Variants in CSMD1 observed in about 807,000 individuals in gnomAD.
CSMD1 encodes CUB and Sushi multiple domains 1.
CSMD1 carries 213 observed loss-of-function variants against 417.5 expected under a neutral mutation model. That is an observed-to-expected ratio of 0.51 (90% confidence interval 0.46 to 0.57). The LOEUF (loss-of-function observed/expected upper bound fraction) is 0.57, where lower values mean the gene tolerates loss of function less well. Ranked by LOEUF, CSMD1 falls within the 20% of genes least tolerant of loss-of-function variation. The probability of loss-of-function intolerance (pLI) is 0.00; values close to 1 mark genes in which losing one functional copy is unlikely to be tolerated. For synonymous variants in CSMD1, 2,862 were observed against 1,736.8 expected (o/e 1.65, Z -16.11); for missense variants, 6,923 against 4,529.7 (o/e 1.53, Z -15.17).
At chr8:4,889,630 G>C (rs992381729) in intron 1 of CSMD1, among the ~76,000 whole-genome samples, 1 of 152,070 alleles carries the variant, frequency 6.6e-6, no homozygotes, top group Non-Finnish European at 1.5e-5. Flanking sequence ...TAAGGTTACT[G>C]GTAGCCATAA....
rs558585283 is a variant in CSMD1 at position 4,988,628 on chromosome 8, T to C, written c.85+5704A>G. Among the ~76,000 whole-genome samples, 461 of 152,334 alleles carry C rather than the reference T, an allele frequency of 3.0e-3. 4 individuals carry two copies. Among genetic ancestry groups the C allele is most frequent in the African/African-American group, 0.01 (434 of 41,576 alleles). On this transcript the variant is annotated intron_variant, in intron 1 of 69. Transcript: ENST00000635120. ...TTGGTGGATGAGACAGGGTGCCTAA[T>C]GGATGACAAAATCTCTCATCTTCAT...
chr8:3,345,510 G>C (rs12548171), intron 22 of CSMD1, among the ~76,000 whole-genome samples: 3,659 of 152,262 alleles, frequency 0.024, 77 homozygotes, highest in East Asian at 0.083. Context: ...CCAGATAGGA[G>C]TGGAAGTCAG....
At chr8:3,248,448 G>C (rs764037843) in intron 26 of CSMD1, among the ~76,000 whole-genome samples, 1 of 150,496 alleles carries the variant, frequency 6.6e-6, no homozygotes, top group Non-Finnish European at 1.5e-5. Context: ...CTGGAAGTGT[G>C]AGACAGACAA....
chr8:4,507,105 C>T (rs992993834), intron 2 of CSMD1, among the ~76,000 whole-genome samples: 3 of 151,968 alleles, frequency 2.0e-5, no homozygotes, highest in Non-Finnish European at 4.4e-5. Flanking sequence ...GTTTATTATC[C>T]TACACTTTGA....
At chr8:3,219,976 T>C (rs1308629689) in intron 28 of CSMD1, among the ~76,000 whole-genome samples, 1 of 152,046 alleles carries the variant, frequency 6.6e-6, no homozygotes, top group Admixed American at 6.6e-5. Flanking sequence ...TGAGATCCTG[T>C]CTGTACAAAA....
At chr8:3,840,970 G>C (rs896831226) in intron 5 of CSMD1, among the ~76,000 whole-genome samples, 2 of 152,060 alleles carry the variant, frequency 1.3e-5, no homozygotes, top group African/African-American at 4.8e-5. Flanking sequence ...GCCTCCCAAA[G>C]TGCTCAGATT....
At chr8:4,398,665 G>T (rs555155138) in intron 3 of CSMD1, among the ~76,000 whole-genome samples, 2 of 151,982 alleles carry the variant, frequency 1.3e-5, no homozygotes, top group Non-Finnish European at 2.9e-5. Flanking sequence ...AAAGTGCTGG[G>T]ATTACAGGCA....
At position 3,656,553 on chromosome 8, in the gene CSMD1, A is replaced by T. The variant is rs533078069; in HGVS notation, c.1010-39756T>A. Among the ~76,000 whole-genome samples the T allele has an allele frequency of 2.0e-5, 3 of 152,318 alleles. No homozygotes were observed. The South Asian group carries it at 6.2e-4, about 32-fold the overall frequency. Reference sequence around the variant, plus strand: ...AAAATAATGGGTAGATGCTCAAATGAGAACATGAGATGGGAGAGGAGTTTT... The same window carrying T: ...AAAATAATGGGTAGATGCTCAAATGTGAACATGAGATGGGAGAGGAGTTTT... On this transcript the variant is annotated intron_variant, in intron 7 of 69. Coordinates refer to ENST00000635120, the MANE Select transcript of CSMD1 (RefSeq NM_033225.6).
intron 5 of CSMD1, among the ~76,000 whole-genome samples, chr8:3,832,623 A>T (rs1192907357): frequency 6.6e-6 from 1 of 152,180 alleles, no homozygotes; most frequent in African/African-American, 2.4e-5. Context: ...GGGTTCTTGA[A>T]GGAGTCGAAG....
chr8:4,299,842 G>T lies in CSMD1; in HGVS notation c.415+120111C>A, dbSNP rs375848684. On this transcript the variant is annotated intron_variant, in intron 3 of 69. Transcript: ENST00000635120. ...GATGGGTTTTCACCTTCTTGGCCAGGATGGTCTCGATCTCCTGACTTCATG... is the reference window on the plus strand; with the variant it reads ...GATGGGTTTTCACCTTCTTGGCCAGTATGGTCTCGATCTCCTGACTTCATG... Among the ~76,000 whole-genome samples the T allele has an allele frequency of 1.6e-4, 24 of 152,144 alleles. No homozygotes were observed. In the East Asian group the frequency reaches 4.5e-3, roughly 28 times the overall value.
intron 5 of CSMD1, among the ~76,000 whole-genome samples, chr8:3,817,695 A>G (rs1801466383): frequency 6.6e-6 from 1 of 152,044 alleles, no homozygotes; most frequent in South Asian, 2.1e-4. Flanking sequence ...CCACTTCTCT[A>G]CTCTCAGAAG....
In CSMD1 at chr8:4,003,472, A is replaced by T. The variant is rs552173079; in HGVS notation, c.611-5362T>A. Reference sequence around the variant, plus strand: ...TAAATAACAAGACACAAACAGATACATGGGAAAAAAAGATTTTAAATGGCA... The same window carrying T: ...TAAATAACAAGACACAAACAGATACTTGGGAAAAAAAGATTTTAAATGGCA... On this transcript the variant is annotated intron_variant, in intron 4 of 69. Coordinates refer to ENST00000635120, the MANE Select transcript of CSMD1 (RefSeq NM_033225.6). Among the ~76,000 whole-genome samples the T allele has an allele frequency of 1.4e-4, 21 of 152,240 alleles. No individual in the cohort carries two copies. In the East Asian group the frequency reaches 1.9e-3, roughly 14 times the overall value.
intron 26 of CSMD1, among the ~76,000 whole-genome samples, chr8:3,281,462 A>G (rs149511895): frequency 9.9e-5 from 15 of 152,268 alleles, no homozygotes; most frequent in African/African-American, 3.4e-4. Flanking sequence ...AAACGGGTAA[A>G]TAAACTGTGG....
chr8:3,176,707 A>G (rs1010277815), intron 37 of CSMD1, among the ~76,000 whole-genome samples: 3 of 152,166 alleles, frequency 2.0e-5, no homozygotes, highest in African/African-American at 7.2e-5. Flanking sequence ...GCTTTTCTTG[A>G]ACCCATCAGG....
chr8:2,955,599 A>G lies in CSMD1; in HGVS notation c.9984T>C (p.Pro3328=). 2.5e-6 allele frequency: 4 copies of G among 1,613,504 alleles called. No homozygotes were observed. Among genetic ancestry groups the G allele is most frequent in the Non-Finnish European group, 3.4e-6 (4 of 1,179,644 alleles). ...KADMKWTGKS[P]VCKSKGVREV... ...TGATCAATGACTTACTTTTACACAC[A>G]GGCGACTTTCCTGTCCATTTCATGT... The change falls in exon 64 of 70, where the codon CCT becomes CCC. Residue 3328 remains proline, a synonymous_variant. Coordinates refer to ENST00000635120, the MANE Select transcript of CSMD1 (RefSeq NM_033225.6).
chr8:4,613,475 C>T (rs565515348), intron 2 of CSMD1, among the ~76,000 whole-genome samples: 2 of 152,246 alleles, frequency 1.3e-5, no homozygotes, highest in African/African-American at 4.8e-5. Flanking sequence ...TTCACCATGG[C>T]CTGGAAGAGC....
intron 3 of CSMD1, among the ~76,000 whole-genome samples, chr8:4,071,647 A>C (rs1240194583): frequency 6.6e-6 from 1 of 152,078 alleles, no homozygotes; most frequent in Non-Finnish European, 1.5e-5. Context: ...TAGCTGAAAT[A>C]TGTGGAGTGA....
intron 3 of CSMD1, among the ~76,000 whole-genome samples, chr8:4,069,755 T>C (rs1029379526): frequency 2.3e-4 from 35 of 152,170 alleles, no homozygotes; most frequent in African/African-American, 6.5e-4. Context: ...GCTGTCTACT[T>C]CACCTTTATC....
chr8:3,767,153 G>T (rs1798317439), intron 5 of CSMD1, among the ~76,000 whole-genome samples: 1 of 152,200 alleles, frequency 6.6e-6, no homozygotes, highest in South Asian at 2.1e-4. Context: ...CAGCTGGTCT[G>T]TCTGTGCTGT....
Sources: allele counts gnomAD v4.1 joint callset (sites outside exome capture counted in the v4.1 genomes callset), GRCh38; gene constraint gnomAD v4.1.1; transcripts MANE v1.5; gene names NCBI Gene and HGNC (gene_info 2026-07-23, HGNC 2026-07-21).